Variants in TENM3 observed in about 807,000 individuals in gnomAD.
The protein encoded by TENM3 is teneurin-3.
Under a neutral mutation model 255.1 loss-of-function variants are expected in TENM3, and 63 were observed. The ratio of observed to expected loss-of-function variants is 0.25; its 90% confidence interval spans 0.20 to 0.30. TENM3 has a LOEUF of 0.30. TENM3 is among the 10% of genes least tolerant of loss of function. The pLI is 1.00. For synonymous variants in TENM3, 1,306 were observed against 1,322.3 expected, an observed-to-expected ratio of 0.99 and a Z score of 0.27; for missense variants, 2,929 against 3,461.1, an observed-to-expected ratio of 0.85 and a Z score of 3.86.
At chr4:182,067,591 A>T in the TENM3 span, among the ~76,000 whole-genome samples, 1 of 152,200 alleles carries the variant, frequency 6.6e-6, no homozygotes, top group Non-Finnish European at 1.5e-5. Context: ...GGAGCTGCAA[A>T]GGATAGAGGA....
At chr4:181,827,371 CCT>C in the TENM3 span, among the ~76,000 whole-genome samples, 1 of 152,204 alleles carries the variant, frequency 6.6e-6, no homozygotes, top group Non-Finnish European at 1.5e-5. Flanking sequence ...TTCAGGTTCA[CCT>C]CTGTTCTTAT....
chr4:181,802,846 G>A, the TENM3 span, among the ~76,000 whole-genome samples: 1 of 152,098 alleles, frequency 6.6e-6, no homozygotes, highest in Non-Finnish European at 1.5e-5. Flanking sequence ...ATGCAGGGAG[G>A]AAAAAGTGCT....
chr4:182,694,561 T>G (rs1445353124), intron 12 of TENM3, among the ~76,000 whole-genome samples: 2 of 152,250 alleles, frequency 1.3e-5, no homozygotes, highest in African/African-American at 4.8e-5. Flanking sequence ...AAATTTGGCC[T>G]AGGGGAAATC....
the TENM3 span, among the ~76,000 whole-genome samples, chr4:182,087,172 G>T: frequency 1.0e-2 from 1,519 of 152,198 alleles, 30 homozygotes; most frequent in African/African-American, 0.034. Context: ...GAGCTCCCGG[G>T]CTACAGGAAA....
At chr4:182,054,954 G>A in the TENM3 span, among the ~76,000 whole-genome samples, 14 of 152,268 alleles carry the variant, frequency 9.2e-5, no homozygotes, top group South Asian at 1.9e-3. Context: ...TCGGAGGTAG[G>A]AGAAGTTTAT....
chr4:181,590,429 C>A, the TENM3 span, among the ~76,000 whole-genome samples: 4 of 152,142 alleles, frequency 2.6e-5, no homozygotes, highest in African/African-American at 9.7e-5. Context: ...CATCTTGGAA[C>A]AGAAAGTGAA....
the TENM3 span, among the ~76,000 whole-genome samples, chr4:181,528,322 TAAAG>T: frequency 2.0e-5 from 3 of 152,302 alleles, no homozygotes; most frequent in South Asian, 4.1e-4. Context: ...ATTTTGATCC[TAAAG>T]AAAGAAAATT....
chr4:181,826,140 A>G, the TENM3 span, among the ~76,000 whole-genome samples: 3 of 152,218 alleles, frequency 2.0e-5, no homozygotes, highest in Non-Finnish European at 2.9e-5. Context: ...CCAGTTACAT[A>G]TATTTATTCC....
the TENM3 span, among the ~76,000 whole-genome samples, chr4:181,971,168 G>A: frequency 6.6e-6 from 1 of 152,180 alleles, no homozygotes; most frequent in Non-Finnish European, 1.5e-5. Flanking sequence ...GTCACAAAAT[G>A]AGCATTTATT....
At chr4:182,161,873 G>GTA (rs369293061) in intron 1 of TENM3, among the ~76,000 whole-genome samples, 1 of 28,236 alleles carries the variant, frequency 3.5e-5, no homozygotes, top group African/African-American at 1.1e-4. Flanking sequence ...GTATATATGT[G>GTA]TATATATATA....
At position 182,754,906 on chromosome 4, in the gene TENM3, T is replaced by G. The variant is rs749270348; in HGVS notation, c.4539T>G (p.Val1513=). The change falls in exon 22 of 28, where the codon GTT becomes GTG. Residue 1513 remains valine (V), a synonymous_variant. Coordinates refer to ENST00000511685, the MANE Select transcript of TENM3 (RefSeq NM_001080477.4). The surrounding 1 kb of genome is among the most constrained non-coding windows in gnomAD (Gnocchi z 5.1). ...PLLNSMNFYE[V]ASPTDQELYI... ...TTAACTCTATGAACTTCTATGAAGT[T>G]GCGTCTCCAACTGATCAAGAACTCT... 1.9e-6 allele frequency: 3 copies of G among 1,614,048 alleles called. No individual in the cohort carries two copies. Among genetic ancestry groups the G allele is most frequent in the Non-Finnish European group, 2.5e-6 (3 of 1,179,902 alleles).
chr4:181,934,048 CTGTG>C, the TENM3 span, among the ~76,000 whole-genome samples: 685 of 147,446 alleles, frequency 4.6e-3, 17 homozygotes, highest in South Asian at 0.062. Flanking sequence ...ATTCCCCTTT[CTGTG>C]TGTGTGTGTG....
rs767476742 is a variant in TENM3 at position 182,679,627 on chromosome 4, C to T, written c.1327-39C>T. On this transcript the variant is annotated intron_variant, in intron 7 of 27. Transcript: ENST00000511685. ...AAAAAAAAAGAGAGAAGCAGCCACC[C>T]TTTATCTTTCTGACTATTTTTCCTC... 1.7e-5 allele frequency: 26 copies of T among 1,516,350 alleles called. No individual in the cohort carries two copies. The Admixed American group carries it at 3.0e-4, about 18-fold the overall frequency. The allele number at this position is 1,516,350 out of a possible 1,614,324, so 93.9% of individuals were successfully genotyped here. A position where few individuals can be genotyped will look rare whatever the true frequency, so the allele number is the denominator to read the frequency against.
chr4:182,786,556 TAAA>T (rs79660444), intron 24 of TENM3, among the ~76,000 whole-genome samples: 6 of 71,098 alleles, frequency 8.4e-5, no homozygotes, highest in Admixed American at 1.7e-4. Context: ...GACCCCGTCT[TAAA>T]AAAAAAAAAA....
At chr4:182,110,065 G>C in the TENM3 span, among the ~76,000 whole-genome samples, 1 of 144,546 alleles carries the variant, frequency 6.9e-6, no homozygotes, top group Non-Finnish European at 1.5e-5. Flanking sequence ...AGTGAGCCGA[G>C]ATCATGCCAC....
At chr4:182,240,598 G>T (rs939769229), upstream of TENM3, among the ~76,000 whole-genome samples, 1 of 152,152 alleles carries the variant, frequency 6.6e-6, no homozygotes, top group Non-Finnish European at 1.5e-5. Flanking sequence ...GTTATCTTGC[G>T]TGCACTTTGA....
chr4:182,260,890 T>C (rs1315207887), intron 1 of TENM3, among the ~76,000 whole-genome samples: 4 of 152,162 alleles, frequency 2.6e-5, no homozygotes, highest in African/African-American at 9.7e-5. Context: ...TCTTTTTTTT[T>C]TCTGAGTCGG....
chr4:182,624,354 C>T (rs147710764), intron 4 of TENM3, among the ~76,000 whole-genome samples: 1 of 152,308 alleles, frequency 6.6e-6, no homozygotes, highest in East Asian at 1.9e-4. Context: ...GGCCATGGGC[C>T]TGCAAACCTG....
chr4:182,082,087 A>G, the TENM3 span, among the ~76,000 whole-genome samples: 1 of 152,196 alleles, frequency 6.6e-6, no homozygotes, highest in African/African-American at 2.4e-5. Context: ...TAGTTCATTC[A>G]AGCTGCTACA....
Sources: gnomAD v4.1 joint callset for allele counts (sites outside exome capture counted in the v4.1 genomes callset) on GRCh38, gnomAD v4.1.1 for gene constraint, Gnocchi (gnomAD v3.1) non-coding constraint, MANE v1.5 for transcripts, NCBI Gene and HGNC (gene_info 2026-07-23, HGNC 2026-07-21) for gene names.